Variants in METTL24 observed in about 807,000 individuals in gnomAD.
METTL24 encodes probable methyltransferase-like protein 24.
A neutral mutation model predicts 32.7 loss-of-function variants in METTL24; 29 were observed. That is an observed-to-expected ratio of 0.89 (90% CI 0.66 to 1.21). The LOEUF (loss-of-function observed/expected upper bound fraction) is 1.21, where lower values mean the gene tolerates loss of function less well. Among genes scored for constraint, METTL24 ranks in the 50% most tolerant of loss-of-function variants. The pLI is 0.00. For synonymous variants in METTL24, 163 were observed against 179.5 expected, an observed-to-expected ratio of 0.91 and a Z score of 0.73; for missense variants, 439 against 468.1, an observed-to-expected ratio of 0.94 and a Z score of 0.57.
At chr6:110,307,972 G>C (rs1320394079) in intron 3 of METTL24, among the ~76,000 whole-genome samples, 1 of 152,144 alleles carries the variant, frequency 6.6e-6, no homozygotes, top group Non-Finnish European at 1.5e-5. Flanking sequence ...TTAAATCTGA[G>C]AGCTGTTGAA....
Position 110,315,499 on chromosome 6 carries a change from C to T in METTL24, c.418-18G>A, listed in dbSNP as rs1165656884. ...CATGCAATCTGTAAAGATTGGAAAT[C>T]AATGTGAATAATTTGAAATGTTGGA... On this transcript the variant is annotated intron_variant, in intron 2 of 4. Transcript: ENST00000338882. 6.2e-7 allele frequency: 1 copy of T among 1,612,242 alleles called. No homozygotes were observed. Among genetic ancestry groups the T allele is most frequent in the Non-Finnish European group, 8.5e-7 (1 of 1,179,188 alleles).
chr6:110,300,610 G>T (rs149555358), intron 3 of METTL24, among the ~76,000 whole-genome samples: 2 of 151,596 alleles, frequency 1.3e-5, no homozygotes, highest in African/African-American at 4.9e-5. Context: ...TAGTAGAGAC[G>T]GGGTTTCACC....
intron 3 of METTL24, among the ~76,000 whole-genome samples, chr6:110,299,595 A>G (rs1425302504): frequency 6.6e-6 from 1 of 152,188 alleles, no homozygotes; most frequent in Non-Finnish European, 1.5e-5. Flanking sequence ...TGTGTATGCA[A>G]TTTGACTTAA....
At chr6:110,258,908 G>A (rs988131802) in intron 4 of METTL24, among the ~76,000 whole-genome samples, 1 of 152,020 alleles carries the variant, frequency 6.6e-6, no homozygotes, top group Admixed American at 6.6e-5. Context: ...TGGAAGTTAA[G>A]GGCTAGCTAG....
chr6:110,276,967 A>C (rs1400905279), intron 4 of METTL24, among the ~76,000 whole-genome samples: 7 of 152,308 alleles, frequency 4.6e-5, no homozygotes, highest in South Asian at 2.1e-4. Flanking sequence ...AAGCTGCCAC[A>C]CCCAAATAGA....
At chr6:110,304,959 C>T (rs1434139075) in intron 3 of METTL24, among the ~76,000 whole-genome samples, 3 of 152,224 alleles carry the variant, frequency 2.0e-5, no homozygotes, top group Non-Finnish European at 4.4e-5. Context: ...CAGCAGATCT[C>T]TCTCTGCAGA....
chr6:110,322,851 G>C lies in METTL24; in HGVS notation c.340C>G (p.Leu114Val), dbSNP rs751456789. 3.1e-6 allele frequency: 5 copies of C among 1,613,892 alleles called. No individual in the cohort carries two copies. The highest frequency in any genetic ancestry group is 1.3e-5 in the African/African-American group (1 of 75,038). ...RRKGPRWHID[L>V]QPWAGSAQSL... ...TGAGCAGAGCCTGCCCAAGGCTGGA[G>C]ATCTATATGCCACCGGGGACCCTGC... is the stretch of plus-strand genomic sequence containing the variant. The change falls in exon 2 of 5, where the codon CTC becomes GTC. Residue 114 changes from leucine to valine, a missense_variant. Leu to Val is a conservative substitution (Grantham distance 32). Coordinates refer to ENST00000338882, the MANE Select transcript of METTL24 (RefSeq NM_001123364.3).
chr6:110,261,722 C>A (rs922148339), intron 4 of METTL24, among the ~76,000 whole-genome samples: 2 of 152,128 alleles, frequency 1.3e-5, no homozygotes, highest in African/African-American at 4.8e-5. Flanking sequence ...GGAAGTAAAG[C>A]ACTCCTCAGC....
chr6:110,283,339 A>G (rs1322077130), intron 4 of METTL24, among the ~76,000 whole-genome samples: 1 of 152,190 alleles, frequency 6.6e-6, no homozygotes, highest in Non-Finnish European at 1.5e-5. Flanking sequence ...AACATCTCTG[A>G]ATATTACATC....
intron 3 of METTL24, among the ~76,000 whole-genome samples, chr6:110,305,631 A>T (rs1003418184): frequency 1.3e-5 from 2 of 152,000 alleles, no homozygotes; most frequent in African/African-American, 4.8e-5. Context: ...ATGAGATGCC[A>T]TCTCATGCCA....
At chr6:110,333,459 A>G (rs1772146848) in intron 1 of METTL24, among the ~76,000 whole-genome samples, 1 of 151,854 alleles carries the variant, frequency 6.6e-6, no homozygotes, top group South Asian at 2.1e-4. Context: ...TTATTATATT[A>G]TTATTTATTT....
chr6:110,356,357 C>G (rs924864332), intron 1 of METTL24, among the ~76,000 whole-genome samples: 1 of 151,988 alleles, frequency 6.6e-6, no homozygotes. Flanking sequence ...CCAGAAGAAT[C>G]GCTTGAACCC....
rs1311777087 is a variant in METTL24, at chr6:110,357,967, G to T, written c.306C>A (p.Arg102=). 8.4e-7 allele frequency: 1 copy of T among 1,188,346 alleles called. No individual in the cohort carries two copies. Among genetic ancestry groups the T allele is most frequent in the East Asian group, 3.6e-5 (1 of 28,090 alleles). The allele number at this position is 1,188,346 out of a possible 1,614,324, so 73.6% of individuals were successfully genotyped here. ...CTTTGCAACTGACCTTCCGGCGGGGGCGCCCGCGCGGGGCACAGCAGCCAG... is the reference window on the plus strand; with the variant it reads ...CTTTGCAACTGACCTTCCGGCGGGGTCGCCCGCGCGGGGCACAGCAGCCAG... ...PEPGCCAPRG[R]PRRKGPRWHI... is the part of the protein sequence containing the mutation. The change falls in exon 1 of 5, where the codon CGC becomes CGA. Residue 102 remains arginine (R), a synonymous_variant. Transcript: ENST00000338882.
chr6:110,348,815 C>A (rs914875258), intron 1 of METTL24, among the ~76,000 whole-genome samples: 1 of 152,188 alleles, frequency 6.6e-6, no homozygotes, highest in African/African-American at 2.4e-5. Context: ...TTTATTCCAC[C>A]CCCCTAGAGA....
chr6:110,315,587 T>A, intron 2 of METTL24, 106 bp from the exon 3 acceptor site: 2 of 1,233,202 alleles, frequency 1.6e-6, no homozygotes, highest in East Asian at 2.4e-5. Flanking sequence ...AGGAAAGTTA[T>A]AATCTCCTCC....
At chr6:110,341,702 G>A (rs2114771745) in intron 1 of METTL24, among the ~76,000 whole-genome samples, 1 of 152,298 alleles carries the variant, frequency 6.6e-6, no homozygotes, top group South Asian at 2.1e-4. Flanking sequence ...TCAGTATAGA[G>A]CAGAAAGAAC....
chr6:110,269,379 T>G (rs1183935366), intron 4 of METTL24, among the ~76,000 whole-genome samples: 1 of 152,218 alleles, frequency 6.6e-6, no homozygotes, highest in East Asian at 1.9e-4. Context: ...TTAATACTCA[T>G]GAACAGCTCT....
Position 110,245,054 on chromosome 6 carries a change from A to G in METTL24, c.*892T>C, listed in dbSNP as rs1224285137. ...CTACAATGGTTAATTTTATGTGTCA[A>G]CTTAACTGGACTAAAGGGTGTCCAG... On this transcript the variant is annotated 3_prime_UTR_variant, in exon 5 of 5. Transcript: ENST00000338882. Among the ~76,000 whole-genome samples the G allele has an allele frequency of 6.6e-6, 1 of 152,138 alleles. No individual in the cohort carries two copies. Among genetic ancestry groups the G allele is most frequent in the African/African-American group, 2.4e-5 (1 of 41,410 alleles).
At chr6:110,321,240 AAAAAG>A (rs559490506) in intron 2 of METTL24, among the ~76,000 whole-genome samples, 204 of 152,256 alleles carry the variant, frequency 1.3e-3, no homozygotes, top group African/African-American at 3.7e-3. Context: ...CTGTCTCTGA[AAAAAG>A]AAAAGAAAAG....
Sources: allele counts gnomAD v4.1 joint callset (sites outside exome capture counted in the v4.1 genomes callset), GRCh38; gene constraint gnomAD v4.1.1; transcripts MANE v1.5; gene names NCBI Gene and HGNC (gene_info 2026-07-23, HGNC 2026-07-21).